The following DNAH1 variants were observed in gnomAD, a reference collection of about 807,000 sequenced individuals.
DNAH1 encodes the protein axonemal beta dynein heavy chain 1.
In DNAH1, 327 loss-of-function variants were observed where a neutral mutation model predicts 484.3. That is an observed-to-expected ratio of 0.68 (90% CI 0.62 to 0.74). DNAH1 has a LOEUF of 0.74. Among genes scored for constraint, DNAH1 ranks in the 30% least tolerant of loss-of-function variants. The pLI, the probability that DNAH1 is intolerant of heterozygous loss-of-function variation, is 0.00. For synonymous variants in DNAH1, 2,192 were observed against 2,191.9 expected (o/e 1.00, Z 0.00); for missense variants, 5,052 against 5,546.8 (o/e 0.91, Z 2.83).
intron 12 of DNAH1, among the ~76,000 whole-genome samples, chr3:52,348,531 G>T (rs1437821212): frequency 6.6e-6 from 1 of 152,214 alleles, no homozygotes; most frequent in Non-Finnish European, 1.5e-5. Context: ...TGTAGCCCTA[G>T]CCCTTCTTGT....
At chr3:52,350,350 A>T (rs1702324263) in intron 15 of DNAH1, among the ~76,000 whole-genome samples, 158 bp from the exon 16 acceptor site, 1 of 151,998 alleles carries the variant, frequency 6.6e-6, no homozygotes, top group Non-Finnish European at 1.5e-5. Flanking sequence ...CCTGAGCCTG[A>T]TGCTGCCCTT....
chr3:52,357,843 G>T, intron 23 of DNAH1, 55 bp from the exon 24 acceptor site: 1 of 1,588,506 alleles, frequency 6.3e-7, no homozygotes, highest in Non-Finnish European at 8.6e-7. Context: ...GACTGGGGCA[G>T]CTGGGGCCCA....
chr3:52,371,814 C>T, intron 41 of DNAH1, 132 bp from the exon 42 acceptor site: 1 of 1,337,722 alleles, frequency 7.5e-7, no homozygotes. Flanking sequence ...CGGAAGCAGC[C>T]CTGCACCTGG....
chr3:52,396,607 A>G lies in DNAH1; in HGVS notation c.11431-11A>G, dbSNP rs1349296512. ...CCGCTCCTCACCTCCCCTGCCTCCC[A>G]CCTCCCCCAGGTGATGGAGTTCAAG... On this transcript the variant is annotated splice_polypyrimidine_tract_variant and intron_variant, in intron 71 of 77. Transcript: ENST00000420323. 2 of 1,605,200 alleles carry G rather than the reference A, an allele frequency of 1.2e-6. No individual in the cohort carries two copies. The highest frequency in any genetic ancestry group is 1.1e-5 in the South Asian group (1 of 90,678).
chr3:52,334,029 A>G (rs1267142940), intron 8 of DNAH1, among the ~76,000 whole-genome samples: 1 of 152,240 alleles, frequency 6.6e-6, no homozygotes, highest in Non-Finnish European at 1.5e-5. Context: ...GTCATGCATC[A>G]CTTAATGATA....
rs1342354698 is a variant in DNAH1 at position 52,361,501 on chromosome 3, G to A, written c.4874+149G>A. The A allele has an allele frequency of 3.2e-6, 4 of 1,262,910 alleles. No homozygotes were observed. The highest frequency in any genetic ancestry group is 4.4e-6 in the Non-Finnish European group (4 of 912,608). The allele number at this position is 1,262,910 out of a possible 1,614,324, so 78.2% of individuals were successfully genotyped here. ...AATAGGCATCACGGCTTGGTCCTGGGGGCATTGGGGTGGGGAGTGGCAGTG... is the reference window on the plus strand; with the variant it reads ...AATAGGCATCACGGCTTGGTCCTGGAGGCATTGGGGTGGGGAGTGGCAGTG... On this transcript the variant is annotated intron_variant, in intron 29 of 77. Coordinates refer to ENST00000420323, the MANE Select transcript of DNAH1 (RefSeq NM_015512.5). This position sits in a 1 kb window ranked among gnomAD's most constrained non-coding sequence, Gnocchi z 5.6.
rs1702995157 is a variant in DNAH1 at position 52,364,655 on chromosome 3, G to C, written c.5262G>C (p.Gly1754=). 2 of 1,613,872 alleles carry C rather than the reference G, an allele frequency of 1.2e-6. No individual in the cohort carries two copies. The highest frequency in any genetic ancestry group is 1.7e-5 in the Admixed American group (1 of 60,002). Residue 1754 remains glycine (G), a synonymous_variant, in exon 33 of 78, where the codon GGG becomes GGC. Coordinates refer to ENST00000420323, the MANE Select transcript of DNAH1 (RefSeq NM_015512.5). The surrounding 1 kb of genome is among the most constrained non-coding windows in gnomAD (Gnocchi z 4.2). ...QLSSQDHYDF[G]MRAVKTVISA... Reference sequence around the variant, plus strand: ...GGCGACAGGATCACTATGACTTCGGGATGAGAGCCGTGAAAACTGTGATCT... The same window carrying C: ...GGCGACAGGATCACTATGACTTCGGCATGAGAGCCGTGAAAACTGTGATCT...
At chr3:52,377,053 G>A (rs1038435062) in intron 46 of DNAH1, among the ~76,000 whole-genome samples, 1 of 152,026 alleles carries the variant, frequency 6.6e-6, no homozygotes, top group Non-Finnish European at 1.5e-5. Context: ...GTCCCATCCC[G>A]CCTCTGACGG....
chr3:52,321,992 G>T (rs1701165831), intron 1 of DNAH1, among the ~76,000 whole-genome samples: 1 of 152,118 alleles, frequency 6.6e-6, no homozygotes, highest in Non-Finnish European at 1.5e-5. Flanking sequence ...GCTGCTACTG[G>T]CTGAAAGTCA....
chr3:52,345,764 G>A lies in DNAH1; in HGVS notation c.1656+58G>A. On this transcript the variant is annotated intron_variant, in intron 10 of 77. Coordinates refer to ENST00000420323, the MANE Select transcript of DNAH1 (RefSeq NM_015512.5). The stretch of plus-strand genomic sequence containing the variant: ...GCAGGGCAGACCCTTGGAACTGGCA[G>A]GCACAGGTCGGGGCTGCAGCGGAAG... 3.2e-6 allele frequency: 5 copies of A among 1,538,746 alleles called. No individual in the cohort carries two copies. In the South Asian group the frequency reaches 3.6e-5, roughly 11 times the overall value.
In DNAH1 at chr3:52,356,702, C is replaced by G; in HGVS notation, c.3782C>G (p.Pro1261Arg). 4.3e-6 allele frequency: 7 copies of G among 1,613,938 alleles called. No homozygotes were observed. The highest frequency in any genetic ancestry group is 5.1e-6 in the Non-Finnish European group (6 of 1,179,892). ...FSSEDINQQL[P>R]VESKRYQTME... The stretch of plus-strand genomic sequence containing the variant: ...TCTGAGGACATCAACCAGCAGCTGC[C>G]TGTGGAGAGCAAGCGCTACCAGACC... The change falls in exon 22 of 78, where the codon CCT becomes CGT. Residue 1261 changes from proline (P) to arginine (R), a missense_variant. Physicochemically the swap from Pro to Arg is moderately radical, Grantham distance 103. Transcript: ENST00000420323.
chr3:52,362,609 G>T lies in DNAH1; in HGVS notation c.5094+108G>T. ...CAGTTGCTTGGACTCCAGGGACTGTGATTCCCTATGGTAGCCCCTTAGCCA... is the reference window on the plus strand; with the variant it reads ...CAGTTGCTTGGACTCCAGGGACTGTTATTCCCTATGGTAGCCCCTTAGCCA... On this transcript the variant is annotated intron_variant, in intron 31 of 77. Transcript: ENST00000420323. The surrounding 1 kb of genome is among the most constrained non-coding windows in gnomAD (Gnocchi z 5.1). 2 of 1,009,732 alleles carry T rather than the reference G, an allele frequency of 2.0e-6. No individual in the cohort carries two copies. Among genetic ancestry groups the T allele is most frequent in the Non-Finnish European group, 3.0e-6 (2 of 676,802 alleles). The allele number at this position is 1,009,732 out of a possible 1,614,324, so 62.5% of individuals were successfully genotyped here.
At chr3:52,375,455 C>T in intron 45 of DNAH1, 42 bp downstream of exon 45, 1 of 1,590,356 alleles carries the variant, frequency 6.3e-7, no homozygotes, top group Non-Finnish European at 8.6e-7. Flanking sequence ...GGCAGAAGCC[C>T]AGGCCAGGGA....
chr3:52,349,689 G>C (rs1174924283), intron 14 of DNAH1, among the ~76,000 whole-genome samples: 1 of 152,218 alleles, frequency 6.6e-6, no homozygotes, highest in Non-Finnish European at 1.5e-5. Context: ...GGACACCCTT[G>C]ACGGACTTGT....
At chr3:52,363,482 C>T (rs532277113) in intron 32 of DNAH1, among the ~76,000 whole-genome samples, 54 of 152,198 alleles carry the variant, frequency 3.5e-4, no homozygotes, top group Non-Finnish European at 6.2e-4. Flanking sequence ...AGCAAGTGCA[C>T]CTGGGCCTTG....
rs1257226174 is a variant in DNAH1, at chr3:52,395,550, C to A, written c.11131C>A (p.Pro3711Thr). ...CTCAGTGCTCTTGCCCCTGCAGGGC[C>A]CTCGGGCAGAAGCCATGATGCGCAG... ...SAISLGQGQGPRAEAMMRSSI... is the reference protein window; with the variant it reads ...SAISLGQGQGTRAEAMMRSSI... Residue 3711 changes from proline to threonine, a missense_variant, in exon 70 of 78, where the codon CCT (proline) becomes ACT (threonine). Physicochemically the swap from Pro to Thr is conservative, Grantham distance 38. This residue lies in a region of DNAH1 where 853 missense variants were observed against 899.0 expected (regional missense o/e 0.95). Coordinates refer to ENST00000420323, the MANE Select transcript of DNAH1 (RefSeq NM_015512.5). This position sits in a 1 kb window ranked among gnomAD's most constrained non-coding sequence, Gnocchi z 4.4. 1 of 1,613,576 alleles carries A rather than the reference C, an allele frequency of 6.2e-7. No homozygotes were observed. Among genetic ancestry groups the A allele is most frequent in the Non-Finnish European group, 8.5e-7 (1 of 1,179,870 alleles).
In DNAH1 at chr3:52,364,571, G is replaced by A; in HGVS notation, c.5245-67G>A. 2 of 1,573,300 alleles carry A rather than the reference G, an allele frequency of 1.3e-6. No homozygotes were observed. Among genetic ancestry groups the A allele is most frequent in the East Asian group, 2.2e-5 (1 of 44,688 alleles). On this transcript the variant is annotated intron_variant, in intron 32 of 77. Coordinates refer to ENST00000420323, the MANE Select transcript of DNAH1 (RefSeq NM_015512.5). The surrounding 1 kb of genome is among the most constrained non-coding windows in gnomAD (Gnocchi z 4.2). ...TTGGCCAACTGCCAGGTGGGAGGCA[G>A]AGTGTTCCAGGCAGAAGCCTTGGAG...
chr3:52,369,022 C>G (rs1703204939), intron 37 of DNAH1, 104 bp downstream of exon 37: 2 of 1,308,138 alleles, frequency 1.5e-6, no homozygotes, highest in Admixed American at 2.0e-5. Context: ...TCTCTCAGGG[C>G]CATGGGTCCA....
intron 1 of DNAH1, among the ~76,000 whole-genome samples, chr3:52,321,243 C>T (rs562956631): frequency 7.2e-4 from 109 of 151,628 alleles, no homozygotes; most frequent in African/African-American, 2.5e-3. Context: ...CAGCCTCCCA[C>T]GTAGCTGGGA....
Sources: allele counts gnomAD v4.1 joint callset (sites outside exome capture counted in the v4.1 genomes callset), GRCh38; gene constraint gnomAD v4.1.1; regional missense constraint gnomAD v4.1.1; non-coding constraint Gnocchi (gnomAD v3.1); transcripts MANE v1.5; gene names NCBI Gene and HGNC (gene_info 2026-07-23, HGNC 2026-07-21).